Variants in KANK4 observed in about 807,000 individuals in gnomAD.
The protein encoded by KANK4 is KN motif and ankyrin repeat domains 4.
Under a neutral mutation model 80.8 loss-of-function variants are expected in KANK4, and 50 were observed. The observed-to-expected ratio is 0.62, with a 90% CI of 0.49 to 0.78. The LOEUF is 0.78. Ranked by LOEUF, KANK4 falls within the 30% of genes least tolerant of loss-of-function variation. KANK4 has a pLI of 0.00. For synonymous variants in KANK4, 465 were observed against 506.9 expected (o/e 0.92, Z 1.11); for missense variants, 1,196 against 1,240.1 (o/e 0.96, Z 0.53).
chr1:62,258,294 T>C (rs997512019), intron 7 of KANK4, among the ~76,000 whole-genome samples: 3 of 152,238 alleles, frequency 2.0e-5, no homozygotes, highest in African/African-American at 7.2e-5. Flanking sequence ...GTAGCTGCTT[T>C]ATTCACATTC....
At chr1:62,273,093 T>C (rs1040463837) in intron 3 of KANK4, 111 bp downstream of exon 3, 1 of 801,000 alleles carries the variant, frequency 1.2e-6, no homozygotes, top group Non-Finnish European at 1.8e-6. Flanking sequence ...TCCCAGCTGC[T>C]AAAATCTTTT....
rs367549990 is a variant in KANK4, at chr1:62,278,389, C to A, written c.16+3160G>T. ...CCTTCCTTCCTTCCTTTCTTTCTTTCTTTCTTTCTTTTTTTTTTTTGAGAT... is the reference window on the plus strand; with the variant it reads ...CCTTCCTTCCTTCCTTTCTTTCTTTATTTCTTTCTTTTTTTTTTTTGAGAT... On this transcript the variant is annotated intron_variant, in intron 2 of 9. Coordinates refer to ENST00000371153, the MANE Select transcript of KANK4 (RefSeq NM_181712.5). Among the ~76,000 whole-genome samples, 9 of 28,950 alleles carry A rather than the reference C, an allele frequency of 3.1e-4. 1 individual carries two copies. The highest frequency in any genetic ancestry group is 2.4e-3 in the South Asian group (2 of 850). The allele number at this position is 28,950 out of a possible 152,430, so 19.0% of individuals were successfully genotyped here.
intron 1 of KANK4, among the ~76,000 whole-genome samples, chr1:62,296,542 T>C (rs1644365883): frequency 6.6e-6 from 1 of 152,100 alleles, no homozygotes; most frequent in African/African-American, 2.4e-5. Flanking sequence ...TTTTTGGTGG[T>C]TTTTTTGGTT....
At chr1:62,284,403 G>A (rs1434021209) in intron 1 of KANK4, among the ~76,000 whole-genome samples, 2 of 152,056 alleles carry the variant, frequency 1.3e-5, no homozygotes, top group South Asian at 2.1e-4. Flanking sequence ...TGCAATCTCC[G>A]CCTCCTGGGT....
In KANK4 at chr1:62,312,740, G is replaced by C. The variant is rs201565670; in HGVS notation, c.-71+6366C>G. On this transcript the variant is annotated intron_variant, in intron 1 of 9. Transcript: ENST00000371153. The stretch of plus-strand genomic sequence containing the variant: ...GCCTCACTTGCAGAGAACCAGCTCA[G>C]ACATCAGGATGCTCTCTGGAACTTG... Among the ~76,000 whole-genome samples the C allele has an allele frequency of 2.0e-5, 3 of 152,248 alleles. No individual in the cohort carries two copies. The East Asian group carries it at 5.8e-4, about 29-fold the overall frequency.
chr1:62,273,754 C>G lies in KANK4; in HGVS notation c.1350G>C (p.Glu450Asp). The G allele has an allele frequency of 6.2e-7, 1 of 1,614,142 alleles. No individual in the cohort carries two copies. Among genetic ancestry groups the G allele is most frequent in the Non-Finnish European group, 8.5e-7 (1 of 1,180,022 alleles). ...MESESWGHRGEENGLLWGPDG... is the reference protein window; with the variant it reads ...MESESWGHRGDENGLLWGPDG... ...CTGGCCCCCATAGGAGGCCATTCTC[C>G]TCTCCTCGGTGCCCCCAGCTTTCAG... Residue 450 changes from glutamate (E) to aspartate (D), a missense_variant, in exon 3 of 10, where the codon GAG becomes GAC. This residue lies in a region of KANK4 where 1,154 missense variants were observed against 1,179.6 expected (regional missense o/e 0.98). Transcript: ENST00000371153.
chr1:62,290,680 C>A (rs528837317), intron 1 of KANK4, among the ~76,000 whole-genome samples: 1 of 151,976 alleles, frequency 6.6e-6, no homozygotes, highest in Non-Finnish European at 1.5e-5. Flanking sequence ...TCAATAAAAA[C>A]GTGTTGAATC....
rs1672206295 is a variant in KANK4 at position 62,273,205 on chromosome 1, C to G, written c.1899G>C (p.Val633=). 1 of 1,510,532 alleles carries G rather than the reference C, an allele frequency of 6.6e-7. No individual in the cohort carries two copies. The highest frequency in any genetic ancestry group is 1.4e-5 in the African/African-American group (1 of 71,598). The allele number at this position is 1,510,532 out of a possible 1,614,324, so 93.6% of individuals were successfully genotyped here. A position where few individuals can be genotyped will look rare whatever the true frequency, so the allele number is the denominator to read the frequency against. The change falls in exon 3 of 10, where the codon GTG becomes GTC. Residue 633 remains valine (V), a splice_region_variant and synonymous_variant. Transcript: ENST00000371153. ...EPPASSSSPP[V]EISPSTSLKS... is the part of the protein sequence containing the mutation. ...GGCCCCTATATTGATGGTATTTACC[C>G]ACTGGCGGGGAGGAGGAGGAGGCCG... is the stretch of plus-strand genomic sequence containing the variant.
intron 6 of KANK4, among the ~76,000 whole-genome samples, chr1:62,264,235 T>A (rs909159958): frequency 1.3e-5 from 2 of 151,994 alleles, no homozygotes; most frequent in Non-Finnish European, 2.9e-5. Context: ...TTGACCAACA[T>A]GGAGAAACCC....
At chr1:62,268,242 CT>C in intron 5 of KANK4, 44 bp downstream of exon 5, 5 of 1,514,662 alleles carry the variant, frequency 3.3e-6, no homozygotes, top group Non-Finnish European at 4.6e-6. Flanking sequence ...TGCCCTTGAC[CT>C]TTTTCAGAGG....
intron 2 of KANK4, among the ~76,000 whole-genome samples, chr1:62,277,434 T>C (rs1236474536): frequency 6.6e-6 from 1 of 152,198 alleles, no homozygotes; most frequent in Non-Finnish European, 1.5e-5. Flanking sequence ...GCTTATTTTA[T>C]AGTTAAAGGT....
At position 62,266,947 on chromosome 1, in the gene KANK4, G is replaced by C. The variant is rs550686288; in HGVS notation, c.2232-128C>G. On this transcript the variant is annotated intron_variant, in intron 5 of 9. Coordinates refer to ENST00000371153, the MANE Select transcript of KANK4 (RefSeq NM_181712.5). ...TCCAAACTGGGCAACTGCCCTAGGAGAGGGTGAGCTTCAAAAATCTGGAGT... is the reference window on the plus strand; with the variant it reads ...TCCAAACTGGGCAACTGCCCTAGGACAGGGTGAGCTTCAAAAATCTGGAGT... The C allele has an allele frequency of 2.1e-5, 13 of 606,640 alleles. No individual in the cohort carries two copies. The Admixed American group carries it at 2.6e-4, about 12-fold the overall frequency. The allele number at this position is 606,640 out of a possible 1,614,324, so 37.6% of individuals were successfully genotyped here. A position where few individuals can be genotyped will look rare whatever the true frequency, so the allele number is the denominator to read the frequency against.
rs1324416623 is a variant in KANK4, at chr1:62,273,394, G to A, written c.1710C>T (p.Leu570=). The A allele has an allele frequency of 6.6e-5, 106 of 1,607,366 alleles. No individual in the cohort carries two copies. Among genetic ancestry groups the A allele is most frequent in the Non-Finnish European group, 8.7e-5 (102 of 1,175,506 alleles). ...CCAGGCAGTTCCACTGCTCCTGCAG[G>A]AGCTCCTGGATCTTCTTCACATACT... ...IGQYVKKIQE[L]LQEQWNCLEH... The change falls in exon 3 of 10, where the codon CTC becomes CTT. Residue 570 remains leucine (L), a synonymous_variant. Transcript: ENST00000371153.
At chr1:62,273,110 CAT>C in intron 3 of KANK4, 92 bp downstream of exon 3, 2 of 918,386 alleles carry the variant, frequency 2.2e-6, no homozygotes, top group Non-Finnish European at 3.1e-6. Flanking sequence ...TTTTTAAAAA[CAT>C]GTTAATATAA....
At chr1:62,256,613 C>T (rs1404009351) in intron 7 of KANK4, among the ~76,000 whole-genome samples, 1 of 152,172 alleles carries the variant, frequency 6.6e-6, no homozygotes, top group South Asian at 2.1e-4. Flanking sequence ...GAACTCCCGA[C>T]CTCAGGTGAT....
At chr1:62,305,153 C>G (rs1644440738) in intron 1 of KANK4, among the ~76,000 whole-genome samples, 1 of 152,224 alleles carries the variant, frequency 6.6e-6, no homozygotes, top group Non-Finnish European at 1.5e-5. Context: ...GCACCTCCAT[C>G]TCCCCAAGAG....
chr1:62,248,546 TG>T (rs1449019165), intron 8 of KANK4, among the ~76,000 whole-genome samples: 52 of 87,654 alleles, frequency 5.9e-4, no homozygotes, highest in African/African-American at 2.0e-3. Flanking sequence ...TTAGTTTTTT[TG>T]TTTTTTTTTT....
chr1:62,288,819 C>T (rs1271322524), intron 1 of KANK4, among the ~76,000 whole-genome samples: 1 of 152,070 alleles, frequency 6.6e-6, no homozygotes, highest in Non-Finnish European at 1.5e-5. Context: ...GTTCTTGGTC[C>T]GTGACTTAAA....
At chr1:62,249,020 A>G (rs1289839090) in intron 8 of KANK4, among the ~76,000 whole-genome samples, 1 of 149,880 alleles carries the variant, frequency 6.7e-6, no homozygotes, top group Non-Finnish European at 1.5e-5. Context: ...AAAAAAATAC[A>G]AAAATTAGCT....
Sources: allele counts gnomAD v4.1 joint callset (sites outside exome capture counted in the v4.1 genomes callset), GRCh38; gene constraint gnomAD v4.1.1; regional missense constraint gnomAD v4.1.1; transcripts MANE v1.5; gene names NCBI Gene and HGNC (gene_info 2026-07-23, HGNC 2026-07-21).